Variants in SPAG9 observed in about 807,000 individuals in gnomAD.
SPAG9 encodes C-Jun-amino-terminal kinase-interacting protein 4.
In SPAG9, 35 loss-of-function variants were observed where a neutral mutation model predicts 166.5. That is an observed-to-expected ratio of 0.21 (90% CI 0.16 to 0.28). The LOEUF (loss-of-function observed/expected upper bound fraction) is 0.28. SPAG9 is among the 10% of genes least tolerant of loss of function. The probability of loss-of-function intolerance (pLI) is 1.00; values close to 1 mark genes in which losing one functional copy is unlikely to be tolerated. For synonymous variants in SPAG9, 534 were observed against 565.5 expected (o/e 0.94, Z 0.79); for missense variants, 1,235 against 1,603.3 (o/e 0.77, Z 3.92).
In SPAG9 at chr17:50,987,137, T is replaced by A. The variant is rs775395886; in HGVS notation, c.2914A>T (p.Met972Leu). The A allele has an allele frequency of 3.7e-6, 6 of 1,612,810 alleles. No individual in the cohort carries two copies. The highest frequency in any genetic ancestry group is 5.1e-6 in the Non-Finnish European group (6 of 1,179,522). ...AQKMSSLLPTMWLGAQNGCLY... is the reference protein window; with the variant it reads ...AQKMSSLLPTLWLGAQNGCLY... Reference sequence around the variant, plus strand: ...CAGCCATTTTGAGCTCCAAGCCACATAGTTGGTAAAAGACTACTCATTTTC... The same window carrying A: ...CAGCCATTTTGAGCTCCAAGCCACAAAGTTGGTAAAAGACTACTCATTTTC... Residue 972 changes from methionine to leucine, a missense_variant, in exon 22 of 30, where the codon ATG (methionine) becomes TTG (leucine). Around this residue, in one of 6 missense-constraint regions of SPAG9, gnomAD observed 493 missense variants for 559.4 expected, o/e 0.88. Transcript: ENST00000262013.
chr17:51,069,558 C>G (rs1010397117), intron 2 of SPAG9, among the ~76,000 whole-genome samples: 32 of 151,960 alleles, frequency 2.1e-4, no homozygotes, highest in Admixed American at 2.1e-3. Flanking sequence ...TGTTGAAGGT[C>G]TGTTTTAAGC....
At chr17:51,110,411 C>T (rs966747660) in intron 1 of SPAG9, among the ~76,000 whole-genome samples, 3 of 150,582 alleles carry the variant, frequency 2.0e-5, no homozygotes, top group African/African-American at 7.3e-5. Context: ...AAAACCCTAG[C>T]TGGACGTGGT....
At chr17:50,988,527 G>T (rs926062287) in intron 21 of SPAG9, among the ~76,000 whole-genome samples, 1 of 152,188 alleles carries the variant, frequency 6.6e-6, no homozygotes, top group African/African-American at 2.4e-5. Context: ...CCCTTTAACG[G>T]AGGAGCCTAA....
At chr17:51,095,962 T>TATATATAGTG (rs1246209472) in intron 1 of SPAG9, among the ~76,000 whole-genome samples, 10 of 105,630 alleles carry the variant, frequency 9.5e-5, no homozygotes, top group African/African-American at 4.6e-4. Context: ...TATAGTGATA[T>TATATATAGTG]ATATATATAG....
chr17:50,987,235 T>C lies in SPAG9; in HGVS notation c.2816A>G (p.Asn939Ser). Residue 939 changes from asparagine to serine, a missense_variant and splice_region_variant, in exon 22 of 30, where the codon AAT (asparagine) becomes AGT (serine). Coordinates refer to ENST00000262013, the MANE Select transcript of SPAG9 (RefSeq NM_001130528.3). ...EDLSPVYQSS[N>S]DSDAYKDQIS... ...TTGATCTTTATATGCATCTGAGTCA[T>C]TGCTGGAAAGGGAGGGCAAAAGGAA... 6.2e-7 allele frequency: 1 copy of C among 1,604,630 alleles called. No homozygotes were observed. The highest frequency in any genetic ancestry group is 8.5e-7 in the Non-Finnish European group (1 of 1,176,884).
intron 2 of SPAG9, among the ~76,000 whole-genome samples, chr17:51,063,519 C>A (rs1286058251): frequency 6.6e-6 from 1 of 152,074 alleles, no homozygotes; most frequent in Non-Finnish European, 1.5e-5. Flanking sequence ...CTCAGCTTTT[C>A]ATATAAATGT....
Position 50,995,479 on chromosome 17 carries a change from G to C in SPAG9, c.2023C>G (p.Leu675Val). The C allele has an allele frequency of 6.2e-7, 1 of 1,611,182 alleles. No individual in the cohort carries two copies. The highest frequency in any genetic ancestry group is 2.2e-5 in the East Asian group (1 of 44,872). Reference protein sequence around the residue: ...KMKNLPVPVYLRPLDEKDTSM... With the variant: ...KMKNLPVPVYVRPLDEKDTSM... ...GTATCTTTTTCATCCAGAGGTCTGA[G>C]ATAGACAGGCACAGGTAAATTTTTC... Residue 675 changes from leucine (L) to valine (V), a missense_variant, in exon 17 of 30, where the codon CTC becomes GTC. This residue lies in a region of SPAG9 where 493 missense variants were observed against 559.4 expected (regional missense o/e 0.88). Coordinates refer to ENST00000262013, the MANE Select transcript of SPAG9 (RefSeq NM_001130528.3).
intron 2 of SPAG9, among the ~76,000 whole-genome samples, chr17:51,058,408 T>C (rs990568956): frequency 1.3e-5 from 2 of 152,112 alleles, no homozygotes; most frequent in Admixed American, 6.5e-5. Flanking sequence ...CTGAAGCAAA[T>C]AGGAGCTAAG....
chr17:51,070,996 C>T (rs2144593916), intron 2 of SPAG9, among the ~76,000 whole-genome samples: 1 of 152,070 alleles, frequency 6.6e-6, no homozygotes, highest in South Asian at 2.1e-4. Flanking sequence ...AATATACATC[C>T]TAACCACAAT....
intron 1 of SPAG9, among the ~76,000 whole-genome samples, chr17:51,089,669 T>TAC (rs1243008952): frequency 5.8e-5 from 6 of 102,866 alleles, no homozygotes; most frequent in Non-Finnish European, 1.2e-4. Context: ...TATATACACA[T>TAC]ACACACACAC....
intron 2 of SPAG9, among the ~76,000 whole-genome samples, chr17:51,057,097 A>G (rs2047382839): frequency 6.6e-6 from 1 of 152,216 alleles, no homozygotes; most frequent in African/African-American, 2.4e-5. Flanking sequence ...GCAAAGAGGA[A>G]TGATTCAGGG....
At chr17:51,020,694 T>C (rs2045906297) in intron 7 of SPAG9, among the ~76,000 whole-genome samples, 1 of 152,212 alleles carries the variant, frequency 6.6e-6, no homozygotes, top group Non-Finnish European at 1.5e-5. Flanking sequence ...TTTAAGCTTA[T>C]TTACAATTGA....
At chr17:51,072,735 GT>G (rs1286353581) in intron 2 of SPAG9, among the ~76,000 whole-genome samples, 2 of 151,976 alleles carry the variant, frequency 1.3e-5, no homozygotes, top group Non-Finnish European at 2.9e-5. Context: ...CAGATCATCT[GT>G]TTTCTATTAT....
At chr17:51,077,958 T>A (rs565325571) in intron 2 of SPAG9, among the ~76,000 whole-genome samples, 1 of 151,736 alleles carries the variant, frequency 6.6e-6, no homozygotes, top group Non-Finnish European at 1.5e-5. Flanking sequence ...CTGGCCTCGT[T>A]TTCTTAATTT....
chr17:51,079,757 T>C, intron 1 of SPAG9, 53 bp from the exon 2 acceptor site: 1 of 1,211,948 alleles, frequency 8.3e-7, no homozygotes, highest in Non-Finnish European at 1.2e-6. Context: ...CTTTACATTT[T>C]CAACTCCTGT....
chr17:51,098,303 A>G (rs2048700476), intron 1 of SPAG9, among the ~76,000 whole-genome samples: 1 of 150,748 alleles, frequency 6.6e-6, no homozygotes, highest in Admixed American at 6.7e-5. Context: ...TTGGTGTGAG[A>G]GCAGAAGACA....
intron 6 of SPAG9, among the ~76,000 whole-genome samples, chr17:51,023,727 T>C (rs1266440443): frequency 6.6e-6 from 1 of 152,130 alleles, no homozygotes; most frequent in Non-Finnish European, 1.5e-5. Context: ...TGCAGTGGCA[T>C]AATCTCAGCT....
intron 1 of SPAG9, among the ~76,000 whole-genome samples, chr17:51,100,898 CAAT>C (rs2144735484): frequency 6.7e-6 from 1 of 150,032 alleles, no homozygotes; most frequent in East Asian, 2.0e-4. Flanking sequence ...CCAGCCTGGG[CAAT>C]AAGAGCAAAA....
At chr17:51,058,735 A>G (rs1192483719) in intron 2 of SPAG9, among the ~76,000 whole-genome samples, 1 of 152,160 alleles carries the variant, frequency 6.6e-6, no homozygotes, top group African/African-American at 2.4e-5. Flanking sequence ...CAACACCACC[A>G]TGCTTCTGAA....
Sources: gnomAD v4.1 joint callset for allele counts (sites outside exome capture counted in the v4.1 genomes callset) on GRCh38, gnomAD v4.1.1 for gene constraint, gnomAD v4.1.1 regional missense constraint, MANE v1.5 for transcripts, NCBI Gene and HGNC (gene_info 2026-07-23, HGNC 2026-07-21) for gene names.